The following ASCC3 variants were observed in gnomAD, a reference collection of about 807,000 sequenced individuals.
ASCC3 encodes activating signal cointegrator 1 complex subunit 3, also known as ASC-1 complex subunit P200.
In ASCC3, 158 loss-of-function variants were observed where a neutral mutation model predicts 256.3. The ratio of observed to expected loss-of-function variants is 0.62; its 90% confidence interval spans 0.54 to 0.70. The LOEUF is 0.70. ASCC3 is among the 30% of genes least tolerant of loss of function. The pLI is 0.00. For missense variants in ASCC3, 2,259 were observed against 2,626.0 expected, an observed-to-expected ratio of 0.86 and a Z score of 3.05; for synonymous variants, 948 against 883.4, an observed-to-expected ratio of 1.07 and a Z score of -1.30.
chr6:100,667,741 G>A (rs1776554808), intron 14 of ASCC3, among the ~76,000 whole-genome samples: 1 of 152,042 alleles, frequency 6.6e-6, no homozygotes, highest in Non-Finnish European at 1.5e-5. Context: ...AATGAGGAGA[G>A]TCAATGATTG....
intron 8 of ASCC3, among the ~76,000 whole-genome samples, chr6:100,783,881 T>G (rs774474620): frequency 5.9e-5 from 9 of 151,842 alleles, no homozygotes; most frequent in Non-Finnish European, 1.3e-4. Context: ...TTTAAATGCT[T>G]TAAGTGCATT....
At chr6:100,806,799 A>T (rs1244933191) in intron 4 of ASCC3, among the ~76,000 whole-genome samples, 1 of 151,924 alleles carries the variant, frequency 6.6e-6, no homozygotes, top group Non-Finnish European at 1.5e-5. Context: ...AAACAAAATG[A>T]ATTATTAAGA....
At chr6:100,808,907 C>T (rs1408827584) in intron 4 of ASCC3, among the ~76,000 whole-genome samples, 1 of 151,838 alleles carries the variant, frequency 6.6e-6, no homozygotes, top group Non-Finnish European at 1.5e-5. Context: ...ATACTGGAGT[C>T]CACTGACATG....
At chr6:100,737,707 T>A (rs531646458) in intron 10 of ASCC3, among the ~76,000 whole-genome samples, 2 of 152,364 alleles carry the variant, frequency 1.3e-5, no homozygotes, top group South Asian at 4.1e-4. Flanking sequence ...CATGTATCTT[T>A]GTAACAGAAT....
At chr6:100,601,596 A>C (rs1304503006) in intron 34 of ASCC3, among the ~76,000 whole-genome samples, 1 of 152,068 alleles carries the variant, frequency 6.6e-6, no homozygotes, top group African/African-American at 2.4e-5. Flanking sequence ...GGCTTAAGGT[A>C]ATTAAAATAG....
chr6:100,834,189 G>C (rs1771766242), intron 4 of ASCC3, among the ~76,000 whole-genome samples: 1 of 152,170 alleles, frequency 6.6e-6, no homozygotes, highest in African/African-American at 2.4e-5. Flanking sequence ...TTTTCTATGA[G>C]ATTTGTCATT....
intron 13 of ASCC3, among the ~76,000 whole-genome samples, chr6:100,710,275 A>C (rs537472381): frequency 6.6e-6 from 1 of 152,264 alleles, no homozygotes; most frequent in South Asian, 2.1e-4. Flanking sequence ...AAAGATGGAG[A>C]GGTGATATTT....
chr6:100,767,051 C>A, intron 9 of ASCC3, 94 bp downstream of exon 9: 1 of 1,265,204 alleles, frequency 7.9e-7, no homozygotes, highest in Non-Finnish European at 1.1e-6. Context: ...AGTACAATAT[C>A]TTTAAGAACT....
chr6:100,795,234 G>T (rs1769551130), intron 8 of ASCC3, among the ~76,000 whole-genome samples: 1 of 151,978 alleles, frequency 6.6e-6, no homozygotes, highest in Non-Finnish European at 1.5e-5. Context: ...TATAGTATGG[G>T]GAAACGGTCA....
At chr6:100,856,917 C>T (rs1478325738) in intron 3 of ASCC3, 4 of 152,068 alleles carry the variant, frequency 2.6e-5, no homozygotes, top group African/African-American at 7.2e-5. Context: ...TTTTGATATA[C>T]ATGTATGTAC....
At chr6:100,774,009 T>C (rs1782058016) in intron 8 of ASCC3, among the ~76,000 whole-genome samples, 1 of 104,018 alleles carries the variant, frequency 9.6e-6, no homozygotes. Context: ...ACAAAACCTA[T>C]TACATATATA....
At position 100,589,861 on chromosome 6, in the gene ASCC3, T is replaced by A. The variant is rs185025774; in HGVS notation, c.5415+87A>T. Reference sequence around the variant, plus strand: ...GACAGGTGCTTTTGAAACAATTTTTTAAAAAATTTTGATAGTATTAAAAGC... The same window carrying A: ...GACAGGTGCTTTTGAAACAATTTTTAAAAAAATTTTGATAGTATTAAAAGC... On this transcript the variant is annotated intron_variant, in intron 35 of 41. Coordinates refer to ENST00000369162, the MANE Select transcript of ASCC3 (RefSeq NM_006828.4). The A allele has an allele frequency of 6.5e-3, 10,360 of 1,592,910 alleles. 47 individuals are homozygous for A. The highest frequency in any genetic ancestry group is 7.7e-3 in the Non-Finnish European group (9,004 of 1,167,820).
At chr6:100,578,058 A>G (rs1770970420) in intron 36 of ASCC3, among the ~76,000 whole-genome samples, 1 of 152,036 alleles carries the variant, frequency 6.6e-6, no homozygotes, top group African/African-American at 2.4e-5. Context: ...CTGCAAACTC[A>G]GAAACTGTCT....
intron 14 of ASCC3, among the ~76,000 whole-genome samples, chr6:100,676,751 C>T (rs955287271): frequency 3.6e-5 from 4 of 110,508 alleles, no homozygotes; most frequent in African/African-American, 1.1e-4. Context: ...CGCGTGCGCG[C>T]ACACACACAC....
At chr6:100,619,627 A>G (rs1034725162) in intron 30 of ASCC3, among the ~76,000 whole-genome samples, 3 of 152,184 alleles carry the variant, frequency 2.0e-5, no homozygotes, top group Admixed American at 6.6e-5. Flanking sequence ...GGTAGAGAAA[A>G]TGAATCATAA....
intron 13 of ASCC3, among the ~76,000 whole-genome samples, chr6:100,704,386 G>C (rs1205101492): frequency 6.6e-6 from 1 of 151,892 alleles, no homozygotes; most frequent in South Asian, 2.1e-4. Context: ...AGGCAAATTT[G>C]ATATAGCAGA....
chr6:100,605,760 A>G (rs1772852625), intron 32 of ASCC3, 60 bp from the exon 33 acceptor site: 1 of 1,547,038 alleles, frequency 6.5e-7, no homozygotes, highest in South Asian at 1.1e-5. Context: ...AGGTATATTT[A>G]CTGATTATGG....
At chr6:100,835,633 T>G (rs1771839066) in intron 4 of ASCC3, among the ~76,000 whole-genome samples, 1 of 152,174 alleles carries the variant, frequency 6.6e-6, no homozygotes, top group African/African-American at 2.4e-5. Flanking sequence ...GGTCTCTGTG[T>G]CTATTTTTAT....
intron 37 of ASCC3, among the ~76,000 whole-genome samples, chr6:100,534,513 T>C (rs1386204686): frequency 6.6e-6 from 1 of 152,206 alleles, no homozygotes; most frequent in African/African-American, 2.4e-5. Context: ...GCAGTTAATA[T>C]GATCAAGAAG....
Sources: allele counts gnomAD v4.1 joint callset (sites outside exome capture counted in the v4.1 genomes callset), GRCh38; gene constraint gnomAD v4.1.1; transcripts MANE v1.5; gene names NCBI Gene and HGNC (gene_info 2026-07-23, HGNC 2026-07-21).